The following POLR3B variants were observed in gnomAD, a reference collection of about 807,000 sequenced individuals.
POLR3B encodes the protein RNA polymerase III subunit B.
A neutral mutation model predicts 147.4 loss-of-function variants in POLR3B; 96 were observed. The ratio of observed to expected loss-of-function variants is 0.65; its 90% confidence interval spans 0.55 to 0.77. The LOEUF is 0.77. Among genes scored for constraint, POLR3B ranks in the 30% least tolerant of loss-of-function variants. The probability of loss-of-function intolerance (pLI) is 0.00; values close to 1 mark genes in which losing one functional copy is unlikely to be tolerated. For missense variants in POLR3B, 1,036 were observed against 1,413.5 expected (o/e 0.73, Z 4.28); for synonymous variants, 461 against 485.9 (o/e 0.95, Z 0.67).
chr12:106,358,010 C>T (rs899612785), intron 1 of POLR3B, 59 bp downstream of exon 1: 89 of 1,595,052 alleles, frequency 5.6e-5, no homozygotes, highest in Middle Eastern at 4.4e-4. Context: ...GGGGGCGTTG[C>T]CCGGAGTGCT....
chr12:106,477,320 T>C (rs2038187419), intron 23 of POLR3B, among the ~76,000 whole-genome samples: 1 of 115,026 alleles, frequency 8.7e-6, no homozygotes. Context: ...GCTGTCTTTT[T>C]GTTTGTGCCC....
intron 23 of POLR3B, among the ~76,000 whole-genome samples, chr12:106,486,779 T>A (rs1253371983): frequency 6.6e-6 from 1 of 152,194 alleles, no homozygotes; most frequent in Non-Finnish European, 1.5e-5. Flanking sequence ...TAAAACACTA[T>A]CCCCACTCCC....
chr12:106,461,030 A>C (rs148887562), intron 22 of POLR3B, among the ~76,000 whole-genome samples: 1 of 151,772 alleles, frequency 6.6e-6, no homozygotes, highest in East Asian at 2.0e-4. Flanking sequence ...CTACCTCCTC[A>C]TTCTCCTGAA....
intron 12 of POLR3B, among the ~76,000 whole-genome samples, chr12:106,418,051 A>G (rs1385079067): frequency 6.6e-6 from 1 of 152,194 alleles, no homozygotes; most frequent in Non-Finnish European, 1.5e-5. Context: ...GGGAGCATAA[A>G]TGTGCTTCAG....
In POLR3B at chr12:106,501,329, C is replaced by G. The variant is rs2038597414; in HGVS notation, c.2991C>G (p.Pro997=). 3.7e-6 allele frequency: 6 copies of G among 1,602,016 alleles called. No homozygotes were observed. The highest frequency in any genetic ancestry group is 5.1e-6 in the Non-Finnish European group (6 of 1,169,092). Residue 997 remains proline, a synonymous_variant, in exon 26 of 28, where the codon CCC becomes CCG. Transcript: ENST00000228347. ...CAATTGATCTTTCTTTCAGTGAGCC[C>G]TTAGAAGCATACATCTATTTTGGCC... ...DYVTSGITGE[P]LEAYIYFGPV... is the part of the protein sequence containing the mutation.
intron 23 of POLR3B, among the ~76,000 whole-genome samples, chr12:106,486,444 G>A (rs184232518): frequency 1.3e-5 from 2 of 152,102 alleles, no homozygotes; most frequent in Admixed American, 1.3e-4. Flanking sequence ...TCTGGTTAAA[G>A]GTGGCTCTTT....
chr12:106,412,116 T>C (rs1434232264), intron 12 of POLR3B, among the ~76,000 whole-genome samples: 1 of 152,226 alleles, frequency 6.6e-6, no homozygotes, highest in Non-Finnish European at 1.5e-5. Flanking sequence ...CTGTTTCTTC[T>C]TATGTCTGAT....
At chr12:106,361,884 T>C (rs2036474667) in intron 1 of POLR3B, among the ~76,000 whole-genome samples, 1 of 152,216 alleles carries the variant, frequency 6.6e-6, no homozygotes, top group Admixed American at 6.5e-5. Context: ...GGCCAAATAC[T>C]GTGGAAAGGG....
At chr12:106,496,267 G>A (rs2038483878) in intron 24 of POLR3B, 109 bp downstream of exon 24, 2 of 782,758 alleles carry the variant, frequency 2.6e-6, no homozygotes, top group South Asian at 2.8e-5. Context: ...GTTTTTTCAG[G>A]TAGAGCTCTT....
chr12:106,466,196 T>C (rs1037160548), intron 23 of POLR3B, among the ~76,000 whole-genome samples: 3 of 152,228 alleles, frequency 2.0e-5, no homozygotes, highest in African/African-American at 7.2e-5. Flanking sequence ...ATTTCACTAA[T>C]GACTAGTGAT....
At chr12:106,409,415 T>C (rs552694691) in intron 11 of POLR3B, among the ~76,000 whole-genome samples, 11 of 149,598 alleles carry the variant, frequency 7.4e-5, no homozygotes, top group South Asian at 2.1e-4. Context: ...GACCTTCTTA[T>C]TGATGTAATT....
At chr12:106,440,427 C>T (rs1427405519) in intron 18 of POLR3B, among the ~76,000 whole-genome samples, 1 of 152,156 alleles carries the variant, frequency 6.6e-6, no homozygotes, top group Non-Finnish European at 1.5e-5. Context: ...TGTCGGTCTC[C>T]CTCAGAAGTC....
intron 23 of POLR3B, among the ~76,000 whole-genome samples, chr12:106,495,581 T>C (rs1245122489): frequency 2.0e-5 from 3 of 152,218 alleles, no homozygotes; most frequent in Non-Finnish European, 4.4e-5. Flanking sequence ...TCACTGGTTT[T>C]TCAAACCACA....
Position 106,485,507 on chromosome 12 carries a change from A to G in POLR3B, c.2714-10548A>G, listed in dbSNP as rs558133166. On this transcript the variant is annotated intron_variant, in intron 23 of 27. Transcript: ENST00000228347. Reference sequence around the variant, plus strand: ...ACCATTGCAGTGGTCCAGGCAAGAAAGGGTGGTGGCTTGGACTAGGACAGC... The same window carrying G: ...ACCATTGCAGTGGTCCAGGCAAGAAGGGGTGGTGGCTTGGACTAGGACAGC... 3.9e-5 allele frequency among the ~76,000 whole-genome samples: 6 copies of G among 152,310 alleles called. No homozygotes were observed. The South Asian group carries it at 6.2e-4, about 16-fold the overall frequency.
At chr12:106,499,590 C>A (rs117779988) in intron 25 of POLR3B, among the ~76,000 whole-genome samples, 1 of 152,116 alleles carries the variant, frequency 6.6e-6, no homozygotes. Context: ...ATTGGGTAAC[C>A]GAGTGTCATA....
At chr12:106,372,428 C>A (rs1289637194) in intron 6 of POLR3B, among the ~76,000 whole-genome samples, 1 of 151,554 alleles carries the variant, frequency 6.6e-6, no homozygotes, top group African/African-American at 2.4e-5. Flanking sequence ...ACCTCCGCCC[C>A]CCAGGTTCAA....
At chr12:106,496,449 C>T (rs2038487355) in intron 24 of POLR3B, 3 of 599,980 alleles carry the variant, frequency 5.0e-6, no homozygotes, top group Non-Finnish European at 8.8e-6. Context: ...AATGGATCTC[C>T]CTTTCAGTGA....
rs141721086 is a variant in POLR3B, at chr12:106,415,525, T to G, written c.1101+4565T>G. Among the ~76,000 whole-genome samples, 68 of 152,278 alleles carry G rather than the reference T, an allele frequency of 4.5e-4. 1 individual carries two copies. The highest frequency in any genetic ancestry group is 1.6e-3 in the African/African-American group (67 of 41,546). On this transcript the variant is annotated intron_variant, in intron 12 of 27. Coordinates refer to ENST00000228347, the MANE Select transcript of POLR3B (RefSeq NM_018082.6). ...ATGGGTGTATAAAGCACTAGCATGC[T>G]CCTAATTAGGGACACTACTTTCTGA...
chr12:106,466,105 C>G (rs1038077449), intron 23 of POLR3B, among the ~76,000 whole-genome samples: 3 of 152,198 alleles, frequency 2.0e-5, no homozygotes, highest in Admixed American at 6.5e-5. Flanking sequence ...TATAACCTCT[C>G]CAGCGTCTGT....
Sources: gnomAD v4.1 joint callset for allele counts (sites outside exome capture counted in the v4.1 genomes callset) on GRCh38, gnomAD v4.1.1 for gene constraint, MANE v1.5 for transcripts, NCBI Gene and HGNC (gene_info 2026-07-23, HGNC 2026-07-21) for gene names.